Variants in SHTN1 observed in about 807,000 individuals in gnomAD.
SHTN1 encodes the protein shootin-1.
SHTN1 carries 42 observed loss-of-function variants against 83.1 expected under a neutral mutation model. That is an observed-to-expected ratio of 0.51 (90% CI 0.39 to 0.65). The LOEUF (loss-of-function observed/expected upper bound fraction) is 0.65, where lower values mean the gene tolerates loss of function less well. SHTN1 is among the 30% of genes least tolerant of loss of function. SHTN1 has a pLI of 0.00. For synonymous variants in SHTN1, 224 were observed against 247.7 expected, an observed-to-expected ratio of 0.90 and a Z score of 0.90; for missense variants, 622 against 737.8, an observed-to-expected ratio of 0.84 and a Z score of 1.82.
At chr10:117,042,530 T>C (rs190691622) in intron 2 of SHTN1, among the ~76,000 whole-genome samples, 445 of 152,274 alleles carry the variant, frequency 2.9e-3, no homozygotes, top group African/African-American at 0.01. Flanking sequence ...CTTTTTGTCA[T>C]GAAAAGCATC....
chr10:117,061,888 ACT>A (rs1311206538), intron 1 of SHTN1, among the ~76,000 whole-genome samples: 3 of 151,896 alleles, frequency 2.0e-5, no homozygotes, highest in Non-Finnish European at 4.4e-5. Flanking sequence ...TTAAAATAAC[ACT>A]CTTACTGACG....
intron 8 of SHTN1, among the ~76,000 whole-genome samples, chr10:116,942,878 G>A (rs1849435294): frequency 6.6e-6 from 1 of 152,046 alleles, no homozygotes; most frequent in Non-Finnish European, 1.5e-5. Context: ...TGCCCTAAGT[G>A]GTAAGTAAAA....
intron 8 of SHTN1, among the ~76,000 whole-genome samples, chr10:116,944,528 A>C (rs1849502096): frequency 6.6e-6 from 1 of 152,122 alleles, no homozygotes; most frequent in Admixed American, 6.5e-5. Flanking sequence ...CCTTAATTCA[A>C]ACTGGTAAGT....
chr10:117,099,042 A>ACACACACC (rs1853550491), intron 1 of SHTN1, among the ~76,000 whole-genome samples: 2 of 150,802 alleles, frequency 1.3e-5, no homozygotes, highest in Non-Finnish European at 2.9e-5. Context: ...ACACACACAC[A>ACACACACC]CACCATAAAA....
intron 3 of SHTN1, among the ~76,000 whole-genome samples, chr10:116,965,147 T>C (rs1177112869): frequency 6.6e-6 from 1 of 152,170 alleles, no homozygotes; most frequent in Non-Finnish European, 1.5e-5. Flanking sequence ...ACATTTATCC[T>C]GGGAAAAGTA....
At chr10:117,096,912 A>T (rs1589930816) in intron 1 of SHTN1, among the ~76,000 whole-genome samples, 1 of 152,364 alleles carries the variant, frequency 6.6e-6, no homozygotes, top group East Asian at 1.9e-4. Flanking sequence ...AATTTCAGGA[A>T]TTAAAAAAGA....
At chr10:116,905,160 C>T (rs1248353335) in intron 15 of SHTN1, among the ~76,000 whole-genome samples, 3 of 150,002 alleles carry the variant, frequency 2.0e-5, no homozygotes, top group Non-Finnish European at 3.0e-5. Context: ...CGAGATTGCG[C>T]CACTGCAGTC....
intron 14 of SHTN1, among the ~76,000 whole-genome samples, chr10:116,910,638 C>G (rs1267006206): frequency 4.6e-5 from 7 of 152,126 alleles, no homozygotes. Context: ...TCACTGTTGG[C>G]CAGAACTGTG....
chr10:117,113,076 G>A (rs889141350), intron 1 of SHTN1, among the ~76,000 whole-genome samples: 3 of 152,160 alleles, frequency 2.0e-5, no homozygotes, highest in East Asian at 1.9e-4. Context: ...TCACGATTAG[G>A]TCTGAAACTG....
chr10:116,918,263 A>C (rs947448437), intron 12 of SHTN1, among the ~76,000 whole-genome samples: 1 of 152,164 alleles, frequency 6.6e-6, no homozygotes, highest in Non-Finnish European at 1.5e-5. Flanking sequence ...TGGATCAGAA[A>C]GCTACATGTA....
At chr10:117,083,832 C>T (rs1353361640) in intron 1 of SHTN1, among the ~76,000 whole-genome samples, 1 of 152,060 alleles carries the variant, frequency 6.6e-6, no homozygotes, top group Admixed American at 6.6e-5. Context: ...TCCAGTTGAT[C>T]GCATCGGCTC....
chr10:116,933,291 T>C (rs1849036054), intron 9 of SHTN1, among the ~76,000 whole-genome samples: 1 of 152,024 alleles, frequency 6.6e-6, no homozygotes, highest in Non-Finnish European at 1.5e-5. Context: ...CTACATTAGG[T>C]GTTTCTCCTA....
intron 16 of SHTN1, chr10:116,900,498 A>G (rs1847692010): frequency 6.7e-7 from 1 of 1,489,206 alleles, no homozygotes; most frequent in East Asian, 2.5e-5. Context: ...CAAAAGGCAG[A>G]CAAAAGGAGG....
At chr10:116,886,695 C>T (rs1847175501) in intron 16 of SHTN1, 129 bp from the exon 17 acceptor site, 1 of 1,229,920 alleles carries the variant, frequency 8.1e-7, no homozygotes, top group African/African-American at 1.5e-5. Flanking sequence ...ATATAGTAGT[C>T]TTTGAGATGC....
intron 9 of SHTN1, among the ~76,000 whole-genome samples, chr10:116,930,251 T>C (rs1848908782): frequency 6.6e-6 from 1 of 152,058 alleles, no homozygotes; most frequent in Admixed American, 6.6e-5. Context: ...AAGTTTTATT[T>C]TAGGTTCGGG....
chr10:117,052,913 G>A (rs1380685482), intron 1 of SHTN1, among the ~76,000 whole-genome samples: 8 of 149,942 alleles, frequency 5.3e-5, no homozygotes, highest in South Asian at 2.2e-4. Context: ...CCAGCTACTC[G>A]GGAGGCTGAG....
At chr10:116,980,663 C>A (rs2083023) in intron 1 of SHTN1, among the ~76,000 whole-genome samples, 9 of 152,104 alleles carry the variant, frequency 5.9e-5, no homozygotes, top group African/African-American at 9.7e-5. Context: ...ACCAGTGGTT[C>A]CAAGAACATC....
At chr10:117,124,134 C>G (rs1186886869) in intron 1 of SHTN1, among the ~76,000 whole-genome samples, 2 of 149,924 alleles carry the variant, frequency 1.3e-5, no homozygotes, top group Non-Finnish European at 3.0e-5. Flanking sequence ...TCCCTTGAGC[C>G]TGGGAGGTTG....
At chr10:117,061,909 A>G (rs186946784) in intron 1 of SHTN1, among the ~76,000 whole-genome samples, 20 of 152,284 alleles carry the variant, frequency 1.3e-4, no homozygotes, top group Middle Eastern at 3.4e-3. Context: ...CGTGTGCACA[A>G]TGATTCTCTT....
Sources: allele counts gnomAD v4.1 joint callset (sites outside exome capture counted in the v4.1 genomes callset), GRCh38; gene constraint gnomAD v4.1.1; transcripts MANE v1.5; gene names NCBI Gene and HGNC (gene_info 2026-07-23, HGNC 2026-07-21).